Variants in CCDC88A observed in about 807,000 individuals in gnomAD.
CCDC88A encodes the protein girdin.
CCDC88A carries 54 observed loss-of-function variants against 234.3 expected under a neutral mutation model. That is an observed-to-expected ratio of 0.23 (90% CI 0.19 to 0.29). CCDC88A has a LOEUF of 0.29. Ranked by LOEUF, CCDC88A falls within the 10% of genes least tolerant of loss-of-function variation. The probability of loss-of-function intolerance (pLI) is 1.00; values close to 1 mark genes in which losing one functional copy is unlikely to be tolerated. For missense variants in CCDC88A, 1,832 were observed against 2,123.4 expected (o/e 0.86, Z 2.70); for synonymous variants, 753 against 737.8 (o/e 1.02, Z -0.33).
intron 8 of CCDC88A, among the ~76,000 whole-genome samples, chr2:55,354,421 G>T (rs1574250705): frequency 6.6e-6 from 1 of 152,002 alleles, no homozygotes; most frequent in East Asian, 1.9e-4. Flanking sequence ...ATGAGCCACT[G>T]CACCAGCCAT....
chr2:55,328,576 T>C lies in CCDC88A; in HGVS notation c.2856-141A>G, dbSNP rs6759763. 14,606 of 528,454 alleles carry C rather than the reference T, an allele frequency of 0.028. 1,407 individuals carry two copies. The highest frequency in any genetic ancestry group is 0.23 in the African/African-American group (11,498 of 49,976). 32.7% of individuals were successfully genotyped at this position (528,454 alleles called of 1,614,324 possible). The stretch of plus-strand genomic sequence containing the variant: ...TAAAGAGGCAAATGAAATTATCCTC[T>C]TCTTACTGCCCCATTCTCCCTTTAA... On this transcript the variant is annotated intron_variant, in intron 16 of 32. Coordinates refer to ENST00000436346, the MANE Select transcript of CCDC88A (RefSeq NM_001365480.1). The surrounding 1 kb of genome is among the most constrained non-coding windows in gnomAD (Gnocchi z 4.3).
At chr2:55,296,635 T>C (rs533598171) in intron 29 of CCDC88A, 112 bp from the exon 30 acceptor site, 5 of 1,020,928 alleles carry the variant, frequency 4.9e-6, no homozygotes, top group Non-Finnish European at 4.3e-6. Context: ...CAAATTTACT[T>C]TCAAGCTTTA....
chr2:55,402,710 T>A (rs13029460), intron 2 of CCDC88A, among the ~76,000 whole-genome samples: 979 of 46,330 alleles, frequency 0.021, 8 homozygotes, highest in Middle Eastern at 0.038. Context: ...TATTACTATT[T>A]AAAAAAAAAA....
chr2:55,301,942 A>G lies in CCDC88A; in HGVS notation c.4602T>C (p.Thr1534=). The G allele has an allele frequency of 6.2e-7, 1 of 1,614,162 alleles. No homozygotes were observed. The highest frequency in any genetic ancestry group is 1.7e-5 in the Admixed American group (1 of 60,028). The change falls in exon 27 of 33, where the codon ACT becomes ACC. Residue 1534 remains threonine (T), a synonymous_variant. Coordinates refer to ENST00000436346, the MANE Select transcript of CCDC88A (RefSeq NM_001365480.1). ...TGACAGTTGAAAAGTTGATGGCTGT[A>G]GTAGAGAAGGCCATAGCTCCCAATT... ...RKELGAMAFS[T]TAINFSTVNS... is the part of the protein sequence containing the mutation.
In CCDC88A at chr2:55,291,765, T is replaced by G; in HGVS notation, c.5562A>C (p.Lys1854Asn). ...SNTTAASNVD[K>N]VQESRNSKSR... is the part of the protein sequence containing the mutation. ...TTTTTGAATTTCTGCTTTCTTGTACTTTGTCCACATCTGCAGGAGAAAAGC... is the reference window on the plus strand; with the variant it reads ...TTTTTGAATTTCTGCTTTCTTGTACGTTGTCCACATCTGCAGGAGAAAAGC... Residue 1854 changes from lysine (K) to asparagine (N), a missense_variant, in exon 32 of 33, where the codon AAA (lysine) becomes AAC (asparagine). This residue lies in a region of CCDC88A where 422 missense variants were observed against 416.5 expected (regional missense o/e 1.01). Coordinates refer to ENST00000436346, the MANE Select transcript of CCDC88A (RefSeq NM_001365480.1). The G allele has an allele frequency of 6.2e-7, 1 of 1,611,812 alleles. No individual in the cohort carries two copies. Among genetic ancestry groups the G allele is most frequent in the Non-Finnish European group, 8.5e-7 (1 of 1,178,430 alleles).
chr2:55,387,550 G>C (rs1387262418), intron 3 of CCDC88A, among the ~76,000 whole-genome samples: 3 of 151,998 alleles, frequency 2.0e-5, no homozygotes, highest in Admixed American at 6.6e-5. Context: ...GGGAGGCTGA[G>C]GGGGGCAGAT....
At chr2:55,333,695 T>C (rs142835668) in intron 15 of CCDC88A, among the ~76,000 whole-genome samples, 473 of 152,214 alleles carry the variant, frequency 3.1e-3, no homozygotes, top group African/African-American at 0.011. Context: ...TGTGTGTATA[T>C]ATTATTTATG....
intron 9 of CCDC88A, among the ~76,000 whole-genome samples, chr2:55,346,752 T>C (rs563441407): frequency 1.3e-5 from 2 of 152,320 alleles, no homozygotes; most frequent in East Asian, 3.9e-4. Context: ...AAAAAGTACA[T>C]ACTTTAAAAT....
chr2:55,341,728 C>T (rs937640808), intron 12 of CCDC88A, among the ~76,000 whole-genome samples: 25 of 152,156 alleles, frequency 1.6e-4, no homozygotes, highest in Admixed American at 1.6e-3. Flanking sequence ...CAGGTGTGAG[C>T]CACTGCACCT....
At position 55,334,523 on chromosome 2, in the gene CCDC88A, T is replaced by A; in HGVS notation, c.2298A>T (p.Gln766His). Residue 766 changes from glutamine (Q) to histidine (H), a missense_variant, in exon 15 of 33, where the codon CAA (glutamine) becomes CAT (histidine). Gln to His is a conservative substitution (Grantham distance 24). Around this residue, in one of 6 missense-constraint regions of CCDC88A, gnomAD observed 1,282 missense variants for 1,543.6 expected, o/e 0.83. Transcript: ENST00000436346. The surrounding 1 kb of genome is among the most constrained non-coding windows in gnomAD (Gnocchi z 6.1). ...VSYQGLDIEN[Q>H]RLQKTLENSN... The stretch of plus-strand genomic sequence containing the variant: ...TGTTCTCTAAAGTTTTTTGCAGTCT[T>A]TGATTTTCTATATCTAAACCCTGGT... 6.2e-7 allele frequency: 1 copy of A among 1,611,038 alleles called. No individual in the cohort carries two copies. The highest frequency in any genetic ancestry group is 1.7e-4 in the Middle Eastern group (1 of 6,052).
intron 2 of CCDC88A, chr2:55,418,231 T>C (rs1681798385): frequency 6.6e-6 from 1 of 152,400 alleles, no homozygotes; most frequent in Non-Finnish European, 1.5e-5. Flanking sequence ...CTTAAAATGA[T>C]CCCTAAAATA....
In CCDC88A at chr2:55,332,553, A is replaced by C; in HGVS notation, c.2855+13T>G. The C allele has an allele frequency of 3.1e-6, 5 of 1,606,972 alleles. No individual in the cohort carries two copies. The highest frequency in any genetic ancestry group is 4.2e-6 in the Non-Finnish European group (5 of 1,177,758). ...AAATTTTCAACTGTTTGCCAAGTAG[A>C]CTTAGTACTCACCTGTCATCAGTAC... On this transcript the variant is annotated intron_variant, in intron 16 of 32. Coordinates refer to ENST00000436346, the MANE Select transcript of CCDC88A (RefSeq NM_001365480.1). The surrounding 1 kb of genome is among the most constrained non-coding windows in gnomAD (Gnocchi z 4.5).
In CCDC88A at chr2:55,355,723, T is replaced by C. The variant is rs1408210790; in HGVS notation, c.656A>G (p.Asp219Gly). The change falls in exon 8 of 33, where the codon GAT becomes GGT. Residue 219 changes from aspartate to glycine, a missense_variant. By Grantham distance (94) the Asp-to-Gly change is moderately conservative. Coordinates refer to ENST00000436346, the MANE Select transcript of CCDC88A (RefSeq NM_001365480.1). ...ETIIELSEER[D>G]GLHFLPHASS... Reference sequence around the variant, plus strand: ...GGCATGGGGTAGAAAATGGAGACCATCCCGCTCTTCAGAGAGTTCTATGAT... The same window carrying C: ...GGCATGGGGTAGAAAATGGAGACCACCCCGCTCTTCAGAGAGTTCTATGAT... The C allele has an allele frequency of 6.2e-7, 1 of 1,613,712 alleles. No individual in the cohort carries two copies. The highest frequency in any genetic ancestry group is 1.3e-5 in the African/African-American group (1 of 74,938).
chr2:55,379,111 T>C (rs566908411), intron 3 of CCDC88A, among the ~76,000 whole-genome samples: 1 of 152,232 alleles, frequency 6.6e-6, no homozygotes, highest in South Asian at 2.1e-4. Flanking sequence ...TGAGTAATAT[T>C]AAAAAATATA....
intron 2 of CCDC88A, among the ~76,000 whole-genome samples, chr2:55,412,132 C>A (rs1680602245): frequency 6.6e-6 from 1 of 152,170 alleles, no homozygotes; most frequent in Non-Finnish European, 1.5e-5. Context: ...CAACTTACGA[C>A]ATGCCAACTT....
intron 4 of CCDC88A, among the ~76,000 whole-genome samples, chr2:55,373,114 A>C (rs1237269276): frequency 6.6e-6 from 1 of 152,208 alleles, no homozygotes; most frequent in East Asian, 1.9e-4. Context: ...ACAGCATTCA[A>C]CTAAGATTTT....
chr2:55,294,069 T>G (rs1411824621), intron 31 of CCDC88A: 1 of 172,700 alleles, frequency 5.8e-6, no homozygotes, highest in Non-Finnish European at 1.1e-5. Flanking sequence ...AGGATATACA[T>G]GTATAATTTA....
At chr2:55,340,562 CT>C (rs573975887) in intron 12 of CCDC88A, among the ~76,000 whole-genome samples, 4 of 151,920 alleles carry the variant, frequency 2.6e-5, no homozygotes, top group African/African-American at 4.8e-5. Flanking sequence ...TTGCCTAAGT[CT>C]TTTTTTTAAT....
Position 55,374,814 on chromosome 2 carries a change from C to A in CCDC88A, c.343G>T (p.Glu115Ter). ...TTCACAGCTTAATTTTAATACTTAC[C>A]AGAAAAGGGATTTTTGCCAATGATT... is the stretch of plus-strand genomic sequence containing the variant. ...VLIIGKNPFS[E>*]QGTEEVKKLL... is the part of the protein sequence containing the mutation. The change falls in exon 4 of 33, where the codon GAA becomes TAA. Residue 115 changes from glutamate (E) to a stop codon, truncating the protein, a stop_gained and splice_region_variant. Transcript: ENST00000436346. LOFTEE classifies it high-confidence loss of function. 6.3e-7 allele frequency: 1 copy of A among 1,587,184 alleles called. No homozygotes were observed. Among genetic ancestry groups the A allele is most frequent in the Non-Finnish European group, 8.6e-7 (1 of 1,157,202 alleles).
Sources: allele counts gnomAD v4.1 joint callset (sites outside exome capture counted in the v4.1 genomes callset), GRCh38; gene constraint gnomAD v4.1.1; regional missense constraint gnomAD v4.1.1; non-coding constraint Gnocchi (gnomAD v3.1); transcripts MANE v1.5; gene names NCBI Gene and HGNC (gene_info 2026-07-23, HGNC 2026-07-21).